The following PALLD variants were observed in gnomAD, a reference collection of about 807,000 sequenced individuals.
PALLD encodes palladin, cytoskeletal associated protein.
PALLD carries 61 observed loss-of-function variants against 123.5 expected under a neutral mutation model. The ratio of observed to expected loss-of-function variants is 0.49; its 90% confidence interval spans 0.40 to 0.61. The LOEUF (loss-of-function observed/expected upper bound fraction) is 0.61. Among genes scored for constraint, PALLD ranks in the 20% least tolerant of loss-of-function variants. The pLI, the probability that PALLD is intolerant of heterozygous loss-of-function variation, is 0.00. For missense variants in PALLD, 1,273 were observed against 1,377.0 expected, an observed-to-expected ratio of 0.92 and a Z score of 1.20; for synonymous variants, 465 against 496.4, an observed-to-expected ratio of 0.94 and a Z score of 0.84.
chr4:168,887,398 T>C (rs1002430950), intron 10 of PALLD, among the ~76,000 whole-genome samples: 3 of 152,182 alleles, frequency 2.0e-5, no homozygotes, highest in African/African-American at 7.2e-5. Flanking sequence ...AAACCAGTTC[T>C]CCGCTCCTCC....
In PALLD at chr4:168,898,536, T is replaced by C. The variant is rs749391847; in HGVS notation, c.2294T>C (p.Ile765Thr). ...SSCEQRLISE[I>T]EYRLERSPVD... ...TGTGAACAGAGACTCATCAGTGAAA[T>C]AGAGTACAGGCTAGAAAGGTCTCCT... The change falls in exon 14 of 22, where the codon ATA becomes ACA. Residue 765 changes from isoleucine to threonine, a missense_variant. Ile to Thr is a moderately conservative substitution (Grantham distance 89, BLOSUM62 -1). This residue lies in a region of PALLD where 944 missense variants were observed against 954.5 expected (regional missense o/e 0.99). Coordinates refer to ENST00000505667, the MANE Select transcript of PALLD (RefSeq NM_001166108.2). 17 of 1,613,724 alleles carry C rather than the reference T, an allele frequency of 1.1e-5. No homozygotes were observed. The highest frequency in any genetic ancestry group is 1.4e-5 in the Non-Finnish European group (17 of 1,179,710).
intron 2 of PALLD, among the ~76,000 whole-genome samples, chr4:168,621,554 T>C (rs539770700): frequency 6.6e-6 from 1 of 152,368 alleles, no homozygotes; most frequent in East Asian, 1.9e-4. Context: ...ATTTGCTTAC[T>C]TTAAGCTTTG....
chr4:168,634,615 A>G (rs1776156053), intron 2 of PALLD, among the ~76,000 whole-genome samples: 1 of 152,118 alleles, frequency 6.6e-6, no homozygotes, highest in Non-Finnish European at 1.5e-5. Flanking sequence ...GCTCCCTCAG[A>G]GCGCACTTGG....
intron 2 of PALLD, among the ~76,000 whole-genome samples, chr4:168,615,804 A>C (rs1287687989): frequency 1.3e-5 from 2 of 152,160 alleles, no homozygotes; most frequent in Non-Finnish European, 2.9e-5. Flanking sequence ...CTCCTTCTGA[A>C]AAACCTATCA....
intron 10 of PALLD, among the ~76,000 whole-genome samples, chr4:168,837,081 C>T (rs911663748): frequency 2.0e-5 from 3 of 152,162 alleles, no homozygotes; most frequent in Non-Finnish European, 4.4e-5. Context: ...TTTCCTTTCA[C>T]GTTTCCTCAT....
At chr4:168,752,039 C>T (rs1167516457) in intron 10 of PALLD, among the ~76,000 whole-genome samples, 1 of 152,212 alleles carries the variant, frequency 6.6e-6, no homozygotes, top group African/African-American at 2.4e-5. Context: ...CTCAGTCCCC[C>T]TTGCCAAATG....
rs558362715 is a variant in PALLD, at chr4:168,878,460, A to G, written c.1965-12462A>G. The G allele has an allele frequency of 4.0e-6, 5 of 1,236,844 alleles. No individual in the cohort carries two copies. In the East Asian group the frequency reaches 1.2e-4, roughly 29 times the overall value. 76.6% of individuals were successfully genotyped at this position (1,236,844 alleles called of 1,614,324 possible). A position where few individuals can be genotyped will look rare whatever the true frequency, so the allele number is the denominator to read the frequency against. ...CCTCGGGTCGCCCTGGGACTCCCAC[A>G]TCTCCATACACGCGCTCCCATCAGC... On this transcript the variant is annotated intron_variant, in intron 10 of 21. Coordinates refer to ENST00000505667, the MANE Select transcript of PALLD (RefSeq NM_001166108.2).
intron 2 of PALLD, among the ~76,000 whole-genome samples, chr4:168,611,156 AGTT>A (rs750918664): frequency 6.6e-6 from 1 of 152,070 alleles, no homozygotes; most frequent in East Asian, 1.9e-4. Context: ...CAGCAAACGG[AGTT>A]GTTTTCTGGT....
chr4:168,897,082 T>TGA (rs1755369950), intron 13 of PALLD, among the ~76,000 whole-genome samples: 1 of 152,198 alleles, frequency 6.6e-6, no homozygotes, highest in Non-Finnish European at 1.5e-5. Flanking sequence ...CCACCCGCCT[T>TGA]GGCTTCCCAA....
intron 2 of PALLD, among the ~76,000 whole-genome samples, chr4:168,522,271 C>G (rs1334734623): frequency 6.6e-6 from 1 of 152,164 alleles, no homozygotes; most frequent in East Asian, 1.9e-4. Context: ...ATTTAAGTAA[C>G]AAATGCAGGC....
chr4:168,786,462 C>T (rs1736778515), intron 10 of PALLD, among the ~76,000 whole-genome samples: 1 of 150,866 alleles, frequency 6.6e-6, no homozygotes, highest in African/African-American at 2.4e-5. Flanking sequence ...TCGCTTGAGC[C>T]CAGGAGTTTG....
At chr4:168,788,129 T>A (rs560068050) in intron 10 of PALLD, among the ~76,000 whole-genome samples, 4 of 152,310 alleles carry the variant, frequency 2.6e-5, no homozygotes, top group African/African-American at 9.6e-5. Context: ...CTCACTCCCA[T>A]AGATAGAAGG....
At chr4:168,764,918 G>A (rs1234705946) in intron 10 of PALLD, among the ~76,000 whole-genome samples, 1 of 152,132 alleles carries the variant, frequency 6.6e-6, no homozygotes, top group East Asian at 1.9e-4. Context: ...TTCACTTAAA[G>A]CCTCACTTTT....
At chr4:168,529,498 G>T (rs1046250279) in intron 2 of PALLD, among the ~76,000 whole-genome samples, 2 of 152,124 alleles carry the variant, frequency 1.3e-5, no homozygotes, top group African/African-American at 4.8e-5. Context: ...TTACTGAACT[G>T]CATTACCACA....
At position 168,926,453 on chromosome 4, in the gene PALLD, C is replaced by A; in HGVS notation, c.*273C>A. The A allele has an allele frequency of 4.4e-6, 5 of 1,139,366 alleles. No homozygotes were observed. Among genetic ancestry groups the A allele is most frequent in the South Asian group, 1.4e-5 (1 of 71,322 alleles). The allele number at this position is 1,139,366 out of a possible 1,614,324, so 70.6% of individuals were successfully genotyped here. A position where few individuals can be genotyped will look rare whatever the true frequency, so the allele number is the denominator to read the frequency against. ...CCTTGACCAACATATTCCTTTGTCA[C>A]ATTATGTAAAAGGCAGAAACATACC... On this transcript the variant is annotated 3_prime_UTR_variant, in exon 22 of 22. Coordinates refer to ENST00000505667, the MANE Select transcript of PALLD (RefSeq NM_001166108.2).
At chr4:168,686,934 T>C (rs1782119214) in intron 6 of PALLD, among the ~76,000 whole-genome samples, 1 of 152,156 alleles carries the variant, frequency 6.6e-6, no homozygotes, top group Admixed American at 6.5e-5. Flanking sequence ...GCTAGAGAAA[T>C]TGATGTGTAA....
intron 2 of PALLD, among the ~76,000 whole-genome samples, chr4:168,590,216 C>A (rs1268829719): frequency 6.6e-6 from 1 of 152,180 alleles, no homozygotes; most frequent in East Asian, 1.9e-4. Flanking sequence ...GTGGCAGTCG[C>A]CTATAATCCC....
At chr4:168,836,302 C>T (rs59621399) in intron 10 of PALLD, among the ~76,000 whole-genome samples, 5 of 152,176 alleles carry the variant, frequency 3.3e-5, no homozygotes, top group Admixed American at 6.5e-5. Context: ...TGTTGGAAGG[C>T]GTAATGGCTT....
At chr4:168,900,327 A>G (rs1274523817) in intron 14 of PALLD, among the ~76,000 whole-genome samples, 1 of 152,214 alleles carries the variant, frequency 6.6e-6, no homozygotes, top group African/African-American at 2.4e-5. Context: ...GAAAAACAGA[A>G]GGCCAAGTAT....
Sources: allele counts gnomAD v4.1 joint callset (sites outside exome capture counted in the v4.1 genomes callset), GRCh38; gene constraint gnomAD v4.1.1; regional missense constraint gnomAD v4.1.1; transcripts MANE v1.5; gene names NCBI Gene and HGNC (gene_info 2026-07-23, HGNC 2026-07-21).